The following LARGE1 variants were observed in gnomAD, a reference collection of about 807,000 sequenced individuals.
The protein encoded by LARGE1 is xylosyl- and glucuronyltransferase LARGE1.
A neutral mutation model predicts 87.6 loss-of-function variants in LARGE1; 43 were observed. That is an observed-to-expected ratio of 0.49 (90% CI 0.38 to 0.63). LARGE1 has a LOEUF of 0.63. Among genes scored for constraint, LARGE1 ranks in the 30% least tolerant of loss-of-function variants. The probability of loss-of-function intolerance (pLI) is 0.00; values close to 1 mark genes in which losing one functional copy is unlikely to be tolerated. For synonymous variants in LARGE1, 434 were observed against 394.6 expected, an observed-to-expected ratio of 1.10 and a Z score of -1.18; for missense variants, 802 against 1,000.2, an observed-to-expected ratio of 0.80 and a Z score of 2.67.
At chr22:33,252,634 G>A (rs1927063585) in intron 11 of LARGE1, among the ~76,000 whole-genome samples, 1 of 148,068 alleles carries the variant, frequency 6.8e-6, no homozygotes, top group Non-Finnish European at 1.5e-5. Context: ...TTCCTTTTAA[G>A]TTTTAACATT....
the LARGE1 span, among the ~76,000 whole-genome samples, chr22:33,124,432 C>T: frequency 7.5e-6 from 1 of 133,412 alleles, no homozygotes; most frequent in Admixed American, 7.6e-5. Context: ...GTTGATGTTA[C>T]ACCTCTCTGC....
chr22:33,724,943 G>A (rs2083223733), intron 2 of LARGE1: 1 of 152,450 alleles, frequency 6.6e-6, no homozygotes, highest in African/African-American at 2.4e-5. Context: ...GGGAGGAGGA[G>A]GGTTCTGATT....
intron 1 of LARGE1, among the ~76,000 whole-genome samples, chr22:33,805,407 C>A (rs1456233458): frequency 6.6e-6 from 1 of 152,098 alleles, no homozygotes; most frequent in Admixed American, 6.6e-5. Context: ...CTGCCCCAAC[C>A]ACTCCAATGG....
At chr22:33,510,683 C>T (rs553414228) in intron 6 of LARGE1, among the ~76,000 whole-genome samples, 1 of 152,220 alleles carries the variant, frequency 6.6e-6, no homozygotes, top group Non-Finnish European at 1.5e-5. Context: ...TCAAATGATC[C>T]TCTCACCTCA....
At chr22:33,318,273 A>C (rs796354330) in intron 10 of LARGE1, among the ~76,000 whole-genome samples, 2 of 151,742 alleles carry the variant, frequency 1.3e-5, no homozygotes, top group Non-Finnish European at 2.9e-5. Context: ...TGTCGGAGGC[A>C]ATCTGTATTT....
chr22:33,212,014 G>A (rs1030755847), intron 11 of LARGE1, among the ~76,000 whole-genome samples: 8 of 152,212 alleles, frequency 5.3e-5, no homozygotes, highest in Non-Finnish European at 8.8e-5. Context: ...GGTTCATGAG[G>A]ATTAAAGAAA....
In LARGE1 at chr22:33,509,293, C is replaced by T. The variant is rs144681843; in HGVS notation, c.787+55555G>A. On this transcript the variant is annotated intron_variant, in intron 6 of 14. Coordinates refer to ENST00000397394, the MANE Select transcript of LARGE1 (RefSeq NM_133642.5). ...GAACCACTGGCCTCATCAATACTCTCCTTCAACCTGATCCAAGACCCTCTC... is the reference window on the plus strand; with the variant it reads ...GAACCACTGGCCTCATCAATACTCTTCTTCAACCTGATCCAAGACCCTCTC... 5.3e-5 allele frequency among the ~76,000 whole-genome samples: 8 copies of T among 152,204 alleles called. No individual in the cohort carries two copies. In the South Asian group the frequency reaches 8.3e-4, roughly 16 times the overall value.
chr22:33,370,798 A>G (rs973328798), intron 9 of LARGE1, among the ~76,000 whole-genome samples: 1 of 149,834 alleles, frequency 6.7e-6, no homozygotes, highest in Non-Finnish European at 1.5e-5. Context: ...ATATTATCAA[A>G]TCATTAAATA....
chr22:33,395,279 T>A (rs2065697456), intron 7 of LARGE1, among the ~76,000 whole-genome samples: 1 of 142,822 alleles, frequency 7.0e-6, no homozygotes, highest in African/African-American at 2.7e-5. Context: ...CTGAGGACAG[T>A]CCTGTATGAA....
At chr22:33,149,229 A>G in the LARGE1 span, among the ~76,000 whole-genome samples, 1 of 151,606 alleles carries the variant, frequency 6.6e-6, no homozygotes, top group African/African-American at 2.4e-5. Flanking sequence ...TTTTTAGTAG[A>G]GACGGGGTTT....
At chr22:33,879,441 T>C (rs2064597013) in intron 1 of LARGE1, among the ~76,000 whole-genome samples, 1 of 152,222 alleles carries the variant, frequency 6.6e-6, no homozygotes, top group African/African-American at 2.4e-5. Flanking sequence ...CAGGAAGGCT[T>C]ACTGCTTTGT....
intron 6 of LARGE1, among the ~76,000 whole-genome samples, chr22:33,444,179 G>A (rs1349274895): frequency 6.6e-6 from 1 of 152,164 alleles, no homozygotes; most frequent in Non-Finnish European, 1.5e-5. Context: ...TGTGCCACCT[G>A]GGTCAAATGA....
chr22:33,553,985 AC>A (rs2077604240), intron 6 of LARGE1, among the ~76,000 whole-genome samples: 1 of 152,058 alleles, frequency 6.6e-6, no homozygotes, highest in Admixed American at 6.5e-5. Context: ...CCTCACTCCC[AC>A]CCAGTAAGCA....
chr22:33,481,297 T>C (rs1307338080), intron 6 of LARGE1, among the ~76,000 whole-genome samples: 8 of 151,974 alleles, frequency 5.3e-5, no homozygotes, highest in Non-Finnish European at 4.4e-5. Flanking sequence ...ATTACTGCTT[T>C]GGTTTTCAAT....
chr22:33,548,252 T>TTGCTTC (rs1253575775), intron 6 of LARGE1, among the ~76,000 whole-genome samples: 1 of 152,190 alleles, frequency 6.6e-6, no homozygotes, highest in African/African-American at 2.4e-5. Flanking sequence ...TCTTTTGCTT[T>TTGCTTC]TGCTTCTGCC....
chr22:33,754,065 A>C (rs2084418231), intron 2 of LARGE1, among the ~76,000 whole-genome samples: 1 of 152,114 alleles, frequency 6.6e-6, no homozygotes, highest in African/African-American at 2.4e-5. Flanking sequence ...CCATCTTAAA[A>C]AAAAGTAAAA....
At chr22:33,831,955 T>C (rs375312671) in intron 1 of LARGE1, among the ~76,000 whole-genome samples, 2 of 152,156 alleles carry the variant, frequency 1.3e-5, no homozygotes, top group East Asian at 1.9e-4. Flanking sequence ...AATGCTCTCT[T>C]TCACACCTCA....
chr22:33,681,029 CTTGTT>C, intron 2 of LARGE1, among the ~76,000 whole-genome samples: 1 of 148,780 alleles, frequency 6.7e-6, no homozygotes, highest in Non-Finnish European at 1.5e-5. Flanking sequence ...TTATTTTTTT[CTTGTT>C]AATTTAAAAA....
chr22:33,302,093 G>A (rs965995542), intron 12 of LARGE1, among the ~76,000 whole-genome samples: 2 of 152,186 alleles, frequency 1.3e-5, no homozygotes, highest in East Asian at 3.9e-4. Flanking sequence ...GTCTAGGGTG[G>A]CACTCACTCC....
Sources: allele counts gnomAD v4.1 joint callset (sites outside exome capture counted in the v4.1 genomes callset), GRCh38; gene constraint gnomAD v4.1.1; transcripts MANE v1.5; gene names NCBI Gene and HGNC (gene_info 2026-07-23, HGNC 2026-07-21).